The following BICC1 variants were observed in gnomAD, a reference collection of about 807,000 sequenced individuals.
BICC1 encodes BicC family RNA binding protein 1.
A neutral mutation model predicts 111.0 loss-of-function variants in BICC1; 43 were observed. The ratio of observed to expected loss-of-function variants is 0.39; its 90% CI spans 0.30 to 0.50. BICC1 has a LOEUF of 0.50. BICC1 is among the 20% of genes least tolerant of loss of function. The probability of loss-of-function intolerance (pLI) is 0.88; values close to 1 mark genes in which losing one functional copy is unlikely to be tolerated. For synonymous variants in BICC1, 467 were observed against 434.4 expected, an observed-to-expected ratio of 1.07 and a Z score of -0.93; for missense variants, 1,091 against 1,203.2, an observed-to-expected ratio of 0.91 and a Z score of 1.38.
At chr10:58,784,824 A>C (rs936537327) in intron 3 of BICC1, among the ~76,000 whole-genome samples, 177 bp from the exon 4 acceptor site, 2 of 152,214 alleles carry the variant, frequency 1.3e-5, no homozygotes, top group Non-Finnish European at 2.9e-5. Flanking sequence ...GGCATTTTCC[A>C]TATTCCTGTT....
chr10:58,653,643 A>G (rs1283005236), intron 2 of BICC1, among the ~76,000 whole-genome samples: 1 of 151,492 alleles, frequency 6.6e-6, no homozygotes, highest in African/African-American at 2.4e-5. Context: ...TGTTTGAACC[A>G]GGGCAGTGCA....
chr10:58,567,073 A>T (rs1658437), intron 1 of BICC1, among the ~76,000 whole-genome samples: 23 of 152,162 alleles, frequency 1.5e-4, no homozygotes, highest in Non-Finnish European at 4.4e-5. Flanking sequence ...CAGCTGTGCA[A>T]CTCTTTGGAG....
At chr10:58,662,999 G>A (rs4948536) in intron 2 of BICC1, among the ~76,000 whole-genome samples, 144,033 of 151,650 alleles carry the variant, frequency 0.95, 68,897 homozygotes, top group Middle Eastern at 1. Flanking sequence ...ATAAATAAAT[G>A]AAAGATGTCA....
rs1309793855 is a variant in BICC1, at chr10:58,799,141, T to C, written c.1614T>C (p.Tyr538=). The C allele has an allele frequency of 6.2e-7, 1 of 1,613,874 alleles. No homozygotes were observed. ...TTTTGTTGTCTGGAGTGCCCACCTATGGGCACACAGCTCCATCTCCCCCTC... is the reference window on the plus strand; with the variant it reads ...TTTTGTTGTCTGGAGTGCCCACCTACGGGCACACAGCTCCATCTCCCCCTC... ...TNILLSGVPT[Y]GHTAPSPPPG... The change falls in exon 12 of 21, where the codon TAT becomes TAC. Residue 538 remains tyrosine (Y), a synonymous_variant. Transcript: ENST00000373886.
At chr10:58,796,661 A>G in intron 10 of BICC1, 135 bp downstream of exon 10, 1 of 789,466 alleles carries the variant, frequency 1.3e-6, no homozygotes, top group Non-Finnish European at 1.9e-6. Context: ...ATGAAAAGCC[A>G]TACAACCTGA....
chr10:58,552,578 A>C (rs1410509946), intron 1 of BICC1, among the ~76,000 whole-genome samples: 2 of 151,834 alleles, frequency 1.3e-5, no homozygotes, highest in African/African-American at 2.4e-5. Context: ...CTTGTGATCC[A>C]CCCGCCTCGG....
At chr10:58,718,765 T>TGTGTGTGTGC (rs369039194) in intron 3 of BICC1, among the ~76,000 whole-genome samples, 2 of 148,154 alleles carry the variant, frequency 1.3e-5, no homozygotes, top group African/African-American at 4.9e-5. Context: ...TGTGTGTGTG[T>TGTGTGTGTGC]GCGCGCGCGC....
chr10:58,782,831 C>T (rs1004471691), intron 3 of BICC1, among the ~76,000 whole-genome samples: 7 of 152,046 alleles, frequency 4.6e-5, no homozygotes, highest in Admixed American at 1.3e-4. Context: ...ATTGCCTAGC[C>T]GAGCTATTAT....
chr10:58,799,681 C>G (rs376737766), intron 12 of BICC1, among the ~76,000 whole-genome samples: 1 of 151,936 alleles, frequency 6.6e-6, no homozygotes, highest in African/African-American at 2.4e-5. Context: ...TTTCTGGATT[C>G]TCTATTCCGT....
At chr10:58,712,811 C>T (rs1302836294) in intron 3 of BICC1, among the ~76,000 whole-genome samples, 1 of 152,080 alleles carries the variant, frequency 6.6e-6, no homozygotes, top group Non-Finnish European at 1.5e-5. Flanking sequence ...GCCCATAGAA[C>T]AGGTTTTGAA....
At chr10:58,745,810 T>G (rs2132624165) in intron 3 of BICC1, among the ~76,000 whole-genome samples, 1 of 152,190 alleles carries the variant, frequency 6.6e-6, no homozygotes, top group South Asian at 2.1e-4. Context: ...ATTAGCAACC[T>G]TAATTACCTT....
Position 58,742,751 on chromosome 10 carries a change from C to T in BICC1, c.307+40608C>T, listed in dbSNP as rs116390441. Among the ~76,000 whole-genome samples, 600 of 152,142 alleles carry T rather than the reference C, an allele frequency of 3.9e-3. 2 individuals are homozygous for T. Among genetic ancestry groups the T allele is most frequent in the African/African-American group, 0.014 (572 of 41,542 alleles). ...CTGTTCCCAGCCAAAATTCTCTGGT[C>T]TAACTGTGTGTCAACAGCTTTGGCT... On this transcript the variant is annotated intron_variant, in intron 3 of 20. Coordinates refer to ENST00000373886, the MANE Select transcript of BICC1 (RefSeq NM_001080512.3).
In BICC1 at chr10:58,642,666, TTTATTATTATTATTATTA is replaced by T. The variant is rs138889861; in HGVS notation, c.237+21804_237+21821del. 1.6e-3 allele frequency among the ~76,000 whole-genome samples: 244 copies of T among 148,298 alleles called. 4 individuals carry two copies. Among genetic ancestry groups the T allele is most frequent in the African/African-American group, 5.7e-3 (227 of 39,788 alleles). On this transcript the variant is annotated intron_variant, in intron 2 of 20. Coordinates refer to ENST00000373886, the MANE Select transcript of BICC1 (RefSeq NM_001080512.3). The stretch of plus-strand genomic sequence containing the variant: ...CATATGCTCCTGACAATATGAACCA[TTTATTATTATTATTATTA>T]TTATTATTATTATTATTATTATTAT...
chr10:58,755,755 A>C (rs1354767033), intron 3 of BICC1, among the ~76,000 whole-genome samples: 1 of 152,026 alleles, frequency 6.6e-6, no homozygotes, highest in East Asian at 1.9e-4. Context: ...GGTTTTGGGA[A>C]ACTATTTCCA....
chr10:58,668,796 A>T (rs1367815132), intron 2 of BICC1, among the ~76,000 whole-genome samples: 1 of 151,920 alleles, frequency 6.6e-6, no homozygotes, highest in African/African-American at 2.4e-5. Flanking sequence ...TTAAAGAAAA[A>T]CTTAGAAACT....
At chr10:58,521,768 GTTTTTTTTTTTTTTTTTTTTTTTTT>G (rs573116230) in intron 1 of BICC1, among the ~76,000 whole-genome samples, 3 of 112,810 alleles carry the variant, frequency 2.7e-5, no homozygotes, top group Non-Finnish European at 5.7e-5. Flanking sequence ...GGAATGTGGT[GTTTTTTTTTTTTTTTTTTTTTTTTT>G]TTTTTTTTTT....
At chr10:58,531,270 C>T (rs1210985700) in intron 1 of BICC1, among the ~76,000 whole-genome samples, 2 of 151,726 alleles carry the variant, frequency 1.3e-5, no homozygotes, top group African/African-American at 2.4e-5. Flanking sequence ...CCAAAATACC[C>T]GTAGTACTGC....
intron 1 of BICC1, among the ~76,000 whole-genome samples, chr10:58,611,098 T>C (rs1794410579): frequency 6.6e-6 from 1 of 152,220 alleles, no homozygotes; most frequent in Admixed American, 6.6e-5. Flanking sequence ...CTTTTGCCAA[T>C]GATTGCCTTA....
chr10:58,678,253 A>C (rs1839406205), intron 2 of BICC1, among the ~76,000 whole-genome samples: 1 of 152,226 alleles, frequency 6.6e-6, no homozygotes, highest in South Asian at 2.1e-4. Context: ...CAGACTGGCA[A>C]ATTGGATAAA....
Sources: gnomAD v4.1 joint callset for allele counts (sites outside exome capture counted in the v4.1 genomes callset) on GRCh38, gnomAD v4.1.1 for gene constraint, MANE v1.5 for transcripts, NCBI Gene and HGNC (gene_info 2026-07-23, HGNC 2026-07-21) for gene names.